The following SRGAP3 variants were observed in gnomAD, a reference collection of about 807,000 sequenced individuals.
SRGAP3 encodes SLIT-ROBO Rho GTPase-activating protein 3.
In SRGAP3, 39 loss-of-function variants were observed where a neutral mutation model predicts 121.1. The ratio of observed to expected loss-of-function variants is 0.32; its 90% CI spans 0.25 to 0.42. SRGAP3 has a LOEUF of 0.42. Ranked by LOEUF, SRGAP3 falls within the 10% of genes least tolerant of loss-of-function variation. The pLI is 1.00. For missense variants in SRGAP3, 1,213 were observed against 1,470.6 expected (o/e 0.82, Z 2.86); for synonymous variants, 601 against 570.0 (o/e 1.05, Z -0.77).
intron 3 of SRGAP3, among the ~76,000 whole-genome samples, chr3:9,321,324 A>G (rs1461182547): frequency 6.6e-6 from 1 of 151,940 alleles, no homozygotes; most frequent in Non-Finnish European, 1.5e-5. Flanking sequence ...CCTGACCCAT[A>G]GAAATCATGA....
rs73811443 is a variant in SRGAP3, at chr3:9,200,801, C to T, written c.67+48084G>A. On this transcript the variant is annotated intron_variant, in intron 1 of 21. Coordinates refer to ENST00000383836, the MANE Select transcript of SRGAP3 (RefSeq NM_014850.4). ...GCAGATTCCCGGGCTCCACCATAGA[C>T]GTATTGAATCCCGTGGTGGGGCCCA... Among the ~76,000 whole-genome samples the T allele has an allele frequency of 2.1e-3, 325 of 152,310 alleles. 2 individuals are homozygous for T. The highest frequency in any genetic ancestry group is 7.3e-3 in the African/African-American group (302 of 41,564).
chr3:9,123,730 A>G (rs367920119), intron 2 of SRGAP3, among the ~76,000 whole-genome samples: 9 of 110,256 alleles, frequency 8.2e-5, no homozygotes, highest in Non-Finnish European at 1.3e-4. Context: ...ATATATGTAT[A>G]TATGTGTGTG....
intron 3 of SRGAP3, among the ~76,000 whole-genome samples, chr3:9,286,505 T>A (rs895299319): frequency 1.3e-5 from 2 of 151,918 alleles, no homozygotes; most frequent in African/African-American, 2.4e-5. Flanking sequence ...TATTTTTTTT[T>A]AAATCCAAGA....
intron 3 of SRGAP3, chr3:9,293,435 C>T (rs1954900892): frequency 6.6e-6 from 1 of 152,174 alleles, no homozygotes; most frequent in African/African-American, 2.4e-5. Context: ...TATCTGTCTT[C>T]CTCGAGAATA....
chr3:8,988,998 G>C (rs1941887992), intron 21 of SRGAP3, among the ~76,000 whole-genome samples: 1 of 152,166 alleles, frequency 6.6e-6, no homozygotes, highest in South Asian at 2.1e-4. Flanking sequence ...GGGGGTGCCT[G>C]CTTTAAAGGT....
chr3:9,238,844 T>C (rs1365452749), intron 1 of SRGAP3, among the ~76,000 whole-genome samples: 1 of 152,034 alleles, frequency 6.6e-6, no homozygotes, highest in Admixed American at 6.5e-5. Flanking sequence ...GCAAATTGCA[T>C]GGAAGGAACC....
intron 1 of SRGAP3, among the ~76,000 whole-genome samples, chr3:9,206,761 T>C (rs1230163710): frequency 6.6e-6 from 1 of 152,126 alleles, no homozygotes; most frequent in Non-Finnish European, 1.5e-5. Flanking sequence ...AAACAGGACA[T>C]TCTCTCCAGC....
intron 6 of SRGAP3, 112 bp downstream of exon 6, chr3:9,060,118 GT>G: frequency 6.5e-7 from 1 of 1,546,390 alleles, no homozygotes; most frequent in South Asian, 1.1e-5. Context: ...CAAAAGAGCT[GT>G]GGCTACCCGA....
intron 1 of SRGAP3, among the ~76,000 whole-genome samples, chr3:9,246,164 GAAA>G (rs1047529898): frequency 3.3e-5 from 5 of 152,098 alleles, no homozygotes; most frequent in Non-Finnish European, 5.9e-5. Context: ...ATAAATTCTT[GAAA>G]AAGACATAAA....
intron 1 of SRGAP3, among the ~76,000 whole-genome samples, chr3:9,223,262 T>A (rs1356611823): frequency 6.6e-6 from 1 of 152,216 alleles, no homozygotes; most frequent in Admixed American, 6.5e-5. Flanking sequence ...AAAGACCATA[T>A]GGCCCACAAA....
At chr3:9,200,218 T>C (rs1444629952) in intron 1 of SRGAP3, among the ~76,000 whole-genome samples, 1 of 152,270 alleles carries the variant, frequency 6.6e-6, no homozygotes, top group African/African-American at 2.4e-5. Flanking sequence ...CCAATATACT[T>C]TGTTTTTAAG....
chr3:9,289,558 T>C (rs1025568981), intron 3 of SRGAP3, among the ~76,000 whole-genome samples: 3 of 152,218 alleles, frequency 2.0e-5, no homozygotes, highest in Non-Finnish European at 4.4e-5. Flanking sequence ...AGTTTACTTG[T>C]AGTTACAAAT....
In SRGAP3 at chr3:8,985,286, GAGCTCC is replaced by G; in HGVS notation, c.*227_*232del. 1 of 860,460 alleles carries G rather than the reference GAGCTCC, an allele frequency of 1.2e-6. No homozygotes were observed. The highest frequency in any genetic ancestry group is 3.4e-5 in the Admixed American group (1 of 29,814). 53.3% of individuals were successfully genotyped at this position (860,460 alleles called of 1,614,324 possible). On this transcript the variant is annotated 3_prime_UTR_variant, in exon 22 of 22. Coordinates refer to ENST00000383836, the MANE Select transcript of SRGAP3 (RefSeq NM_014850.4). The surrounding 1 kb of genome is among the most constrained non-coding windows in gnomAD (Gnocchi z 5.1). ...GGGAATGCTGTGGTTGGGGCTGCTG[GAGCTCC>G]AGCACTCCTCTGGTCGTCTGTTGAC...
At chr3:9,027,097 C>T in intron 12 of SRGAP3, 102 bp from the exon 13 acceptor site, 4 of 1,049,618 alleles carry the variant, frequency 3.8e-6, no homozygotes, top group Non-Finnish European at 4.5e-6. Flanking sequence ...ATATTAGTAC[C>T]ATCAGATTAG....
At chr3:9,159,168 C>T (rs1210276613) in intron 1 of SRGAP3, among the ~76,000 whole-genome samples, 1 of 152,160 alleles carries the variant, frequency 6.6e-6, no homozygotes, top group Non-Finnish European at 1.5e-5. Context: ...TAACACCTGC[C>T]TATCCCAAGA....
At chr3:9,297,164 A>G (rs1223738084) in intron 3 of SRGAP3, among the ~76,000 whole-genome samples, 2 of 152,282 alleles carry the variant, frequency 1.3e-5, no homozygotes, top group East Asian at 3.9e-4. Flanking sequence ...AAAGATCATT[A>G]TGATTGAGTT....
At chr3:9,110,933 C>T (rs1181652417) in intron 2 of SRGAP3, among the ~76,000 whole-genome samples, 4 of 152,350 alleles carry the variant, frequency 2.6e-5, no homozygotes, top group Admixed American at 2.0e-4. Flanking sequence ...GGGTGTTCAC[C>T]GGCGTCTGCC....
At chr3:9,068,010 C>T (rs1946510399) in intron 4 of SRGAP3, among the ~76,000 whole-genome samples, 1 of 152,130 alleles carries the variant, frequency 6.6e-6, no homozygotes. Flanking sequence ...GTCTCCAGGA[C>T]CCCACCTTCC....
At chr3:8,994,280 T>C (rs544985198) in intron 19 of SRGAP3, 63 bp downstream of exon 19, 1 of 1,604,174 alleles carries the variant, frequency 6.2e-7, no homozygotes, top group South Asian at 1.1e-5. Flanking sequence ...TCCCCTACGG[T>C]GCCCATCCCA....
Sources: gnomAD v4.1 joint callset for allele counts (sites outside exome capture counted in the v4.1 genomes callset) on GRCh38, gnomAD v4.1.1 for gene constraint, Gnocchi (gnomAD v3.1) non-coding constraint, MANE v1.5 for transcripts, NCBI Gene and HGNC (gene_info 2026-07-23, HGNC 2026-07-21) for gene names.